Variants in CDH12 observed in about 807,000 individuals in gnomAD.
CDH12 encodes cadherin-12.
A neutral mutation model predicts 74.1 loss-of-function variants in CDH12; 41 were observed. The ratio of observed to expected loss-of-function variants is 0.55; its 90% CI spans 0.43 to 0.72. The LOEUF is 0.72. CDH12 is among the 30% of genes least tolerant of loss of function. The probability of loss-of-function intolerance (pLI) is 0.00; values close to 1 mark genes in which losing one functional copy is unlikely to be tolerated. For missense variants in CDH12, 945 were observed against 977.2 expected (o/e 0.97, Z 0.44); for synonymous variants, 399 against 355.0 (o/e 1.12, Z -1.39).
Position 22,137,186 on chromosome 5 carries a change from A to G in CDH12, c.-186-58324T>C, listed in dbSNP as rs966587532. 3.4e-4 allele frequency among the ~76,000 whole-genome samples: 52 copies of G among 152,152 alleles called. 1 individual carries two copies. Among genetic ancestry groups the G allele is most frequent in the African/African-American group, 1.2e-3 (48 of 41,540 alleles). On this transcript the variant is annotated intron_variant, in intron 4 of 14. Transcript: ENST00000382254. ...TTCTTAGAAGTAATCTTGACATCAA[A>G]CACATATTGTTTGAACTTTGTTTTT...
At chr5:22,354,242 T>C (rs573027441) in intron 3 of CDH12, among the ~76,000 whole-genome samples, 2 of 152,286 alleles carry the variant, frequency 1.3e-5, no homozygotes, top group African/African-American at 4.8e-5. Context: ...TTTTTCAGTA[T>C]ATAAGCACCA....
At chr5:22,822,732 A>G (rs527717392) in intron 1 of CDH12, among the ~76,000 whole-genome samples, 2 of 152,292 alleles carry the variant, frequency 1.3e-5, no homozygotes, top group South Asian at 4.2e-4. Flanking sequence ...GTCAGGAAAC[A>G]ACAGGTGCTG....
intron 3 of CDH12, among the ~76,000 whole-genome samples, chr5:22,265,853 A>G (rs879492551): frequency 6.6e-6 from 1 of 152,122 alleles, no homozygotes; most frequent in Non-Finnish European, 1.5e-5. Context: ...CAAATAAAAT[A>G]CATTCAAACA....
intron 1 of CDH12, among the ~76,000 whole-genome samples, chr5:22,651,077 G>A (rs1398357045): frequency 1.3e-4 from 20 of 151,830 alleles, no homozygotes; most frequent in Admixed American, 1.3e-3. Context: ...TATAGGTAGA[G>A]GGAATTAGTC....
At chr5:21,947,828 TG>T (rs1187266193) in intron 6 of CDH12, among the ~76,000 whole-genome samples, 1 of 152,226 alleles carries the variant, frequency 6.6e-6, no homozygotes, top group African/African-American at 2.4e-5. Context: ...AAAGGTTTCA[TG>T]GGCTGGGCCT....
chr5:21,867,139 G>C (rs749375247), intron 6 of CDH12, among the ~76,000 whole-genome samples: 2 of 152,154 alleles, frequency 1.3e-5, no homozygotes, highest in Non-Finnish European at 2.9e-5. Flanking sequence ...TGGATCACCT[G>C]ATTTCAGGAG....
intron 1 of CDH12, among the ~76,000 whole-genome samples, chr5:22,823,781 T>C (rs1178254374): frequency 6.6e-6 from 1 of 151,996 alleles, no homozygotes; most frequent in Non-Finnish European, 1.5e-5. Context: ...CCAGGGCTTT[T>C]TGCTCTCTCT....
At chr5:22,790,930 T>C (rs10053789) in intron 1 of CDH12, among the ~76,000 whole-genome samples, 4,012 of 152,172 alleles carry the variant, frequency 0.026, 183 homozygotes, top group African/African-American at 0.092. Context: ...ATGGCAACCA[T>C]AATGGACTAA....
chr5:22,767,919 A>C (rs1746604518), intron 1 of CDH12, among the ~76,000 whole-genome samples: 2 of 152,048 alleles, frequency 1.3e-5, no homozygotes, highest in Admixed American at 6.6e-5. Context: ...GCAGAACATA[A>C]GCATTTAAAC....
At chr5:22,442,811 G>C (rs1414297718) in intron 2 of CDH12, among the ~76,000 whole-genome samples, 1 of 152,116 alleles carries the variant, frequency 6.6e-6, no homozygotes, top group Non-Finnish European at 1.5e-5. Flanking sequence ...AGAAATCAAC[G>C]TTCCATCCAA....
At chr5:21,965,191 T>TA (rs1756526039) in intron 6 of CDH12, among the ~76,000 whole-genome samples, 2 of 152,086 alleles carry the variant, frequency 1.3e-5, no homozygotes, top group Non-Finnish European at 2.9e-5. Context: ...TAGAAGTGTA[T>TA]ACTCTAATCT....
intron 4 of CDH12, among the ~76,000 whole-genome samples, chr5:22,203,893 C>T (rs1185287259): frequency 1.3e-5 from 2 of 152,122 alleles, no homozygotes; most frequent in African/African-American, 2.4e-5. Context: ...GTATGTCCCC[C>T]TTTTGAGAAA....
intron 2 of CDH12, among the ~76,000 whole-genome samples, chr5:22,504,251 T>G (rs959491498): frequency 6.6e-6 from 1 of 152,024 alleles, no homozygotes; most frequent in Non-Finnish European, 1.5e-5. Context: ...ACATTGTTAA[T>G]CTAAAATTTG....
intron 8 of CDH12, among the ~76,000 whole-genome samples, chr5:21,830,311 C>T (rs898585943): frequency 6.7e-6 from 1 of 149,210 alleles, no homozygotes; most frequent in Non-Finnish European, 1.5e-5. Context: ...CATCTCCACT[C>T]AAGCACGTTG....
chr5:22,732,466 A>G (rs1386924610), intron 1 of CDH12, among the ~76,000 whole-genome samples: 1 of 87,244 alleles, frequency 1.1e-5, no homozygotes. Flanking sequence ...GTATATATAT[A>G]TATATACACA....
chr5:21,802,077 A>G, intron 10 of CDH12, 90 bp downstream of exon 10: 12 of 1,042,388 alleles, frequency 1.2e-5, no homozygotes, highest in Non-Finnish European at 1.7e-5. Flanking sequence ...ATCATCATGC[A>G]GTTTTGGACA....
intron 3 of CDH12, among the ~76,000 whole-genome samples, chr5:22,370,668 C>T (rs1741248998): frequency 6.6e-6 from 1 of 151,970 alleles, no homozygotes; most frequent in Admixed American, 6.6e-5. Flanking sequence ...ATGTGTTAGT[C>T]AAGATTACAG....
chr5:22,372,981 C>T (rs1741362792), intron 3 of CDH12, among the ~76,000 whole-genome samples: 2 of 152,162 alleles, frequency 1.3e-5, no homozygotes, highest in African/African-American at 4.8e-5. Flanking sequence ...GCAGCCCTGC[C>T]ATCCCTGGAG....
intron 3 of CDH12, among the ~76,000 whole-genome samples, chr5:22,275,075 G>T (rs887632025): frequency 6.6e-6 from 1 of 151,982 alleles, no homozygotes; most frequent in Admixed American, 6.6e-5. Context: ...TAGCTCTTAG[G>T]CAAACAAGAA....
Sources: gnomAD v4.1 joint callset for allele counts (sites outside exome capture counted in the v4.1 genomes callset) on GRCh38, gnomAD v4.1.1 for gene constraint, MANE v1.5 for transcripts, NCBI Gene and HGNC (gene_info 2026-07-23, HGNC 2026-07-21) for gene names.